Variants in TMEM132A observed in about 807,000 individuals in gnomAD.
TMEM132A encodes the protein transmembrane protein 132A, also known as GRP78-binding protein.
TMEM132A carries 48 observed loss-of-function variants against 69.9 expected under a neutral mutation model. The ratio of observed to expected loss-of-function variants is 0.69; its 90% CI spans 0.55 to 0.87. The LOEUF (loss-of-function observed/expected upper bound fraction) is 0.87. TMEM132A is among the 40% of genes least tolerant of loss of function. The pLI is 0.00. For missense variants in TMEM132A, 1,287 were observed against 1,407.2 expected, an observed-to-expected ratio of 0.91 and a Z score of 1.37; for synonymous variants, 577 against 613.7, an observed-to-expected ratio of 0.94 and a Z score of 0.88.
In TMEM132A at chr11:60,927,277, C is replaced by CT. The variant is rs1856367429; in HGVS notation, c.176dup (p.Arg60ProfsTer20). On this transcript the variant is annotated frameshift_variant, in exon 2 of 11. Transcript: ENST00000453848. LOFTEE classifies it high-confidence loss of function. ...TGGAGCTCCTAGACGCCCCTGAACA[C>CT]TTCCGTGTGCAGCAGGTGGGCCACT... The CT allele has an allele frequency of 6.2e-7, 1 of 1,613,594 alleles. No homozygotes were observed. Among genetic ancestry groups the CT allele is most frequent in the East Asian group, 2.2e-5 (1 of 44,860 alleles).
Position 60,928,796 on chromosome 11 carries a change from G to A in TMEM132A, c.702G>A (p.Val234=), listed in dbSNP as rs751331854. ...ENDPGEQALP[V]GGVELRPADP... The stretch of plus-strand genomic sequence containing the variant: ...ACCCTGGGGAGCAGGCCCTCCCAGT[G>A]GGGGGTGTGGAGCTGCGCCCAGCAG... The change falls in exon 4 of 11, where the codon GTG becomes GTA. Residue 234 remains valine, a synonymous_variant. Coordinates refer to ENST00000453848, the MANE Select transcript of TMEM132A (RefSeq NM_178031.3). The A allele has an allele frequency of 6.2e-7, 1 of 1,610,146 alleles. No homozygotes were observed. The highest frequency in any genetic ancestry group is 1.7e-5 in the Admixed American group (1 of 59,866).
At chr11:60,933,192 C>A in intron 7 of TMEM132A, 2 of 183,118 alleles carry the variant, frequency 1.1e-5, no homozygotes, top group Non-Finnish European at 1.1e-5. Flanking sequence ...TTTTTTTAAT[C>A]TATTTATTTT....
intron 3 of TMEM132A, among the ~76,000 whole-genome samples, 171 bp from the exon 4 acceptor site, chr11:60,928,458 C>T (rs900902019): frequency 2.0e-5 from 3 of 152,154 alleles, no homozygotes; most frequent in Non-Finnish European, 4.4e-5. Context: ...TGGTTTGAAG[C>T]CCCAGCCAGG....
chr11:60,936,052 T>C lies in TMEM132A; in HGVS notation c.2217T>C (p.His739=), dbSNP rs1856589674. The C allele has an allele frequency of 1.9e-6, 3 of 1,606,614 alleles. No individual in the cohort carries two copies. The highest frequency in any genetic ancestry group is 4.5e-5 in the East Asian group (2 of 44,806). Reference sequence around the variant, plus strand: ...CAGGCGCCGAGGGGCTGCCGCTGCATGTGGCTCTGCACCCGCCCGAGCCCT... The same window carrying C: ...CAGGCGCCGAGGGGCTGCCGCTGCACGTGGCTCTGCACCCGCCCGAGCCCT... ...SGAGAEGLPL[H]VALHPPEPCR... is the part of the protein sequence containing the mutation. Residue 739 remains histidine, a synonymous_variant, in exon 11 of 11, where the codon CAT becomes CAC. Coordinates refer to ENST00000453848, the MANE Select transcript of TMEM132A (RefSeq NM_178031.3).
chr11:60,934,304 G>A, intron 8 of TMEM132A, 184 bp from the exon 9 acceptor site: 1 of 493,870 alleles, frequency 2.0e-6, no homozygotes, highest in Non-Finnish European at 3.3e-6. Flanking sequence ...GGAGTGGGCT[G>A]GGGCGGCTCG....
At position 60,935,389 on chromosome 11, in the gene TMEM132A, CG is replaced by C. The variant is rs1565123169; in HGVS notation, c.1978del (p.Glu660ArgfsTer69). Reference sequence around the variant, plus strand: ...CCTTGAGCCGGGGCACTGCCCACCCCGGGGAGGTCACAGCTACGTGCTGGGC... The same window carrying C: ...CCTTGAGCCGGGGCACTGCCCACCCCGGGAGGTCACAGCTACGTGCTGGGC... ...LTLSRGTAHP[G>X]EVTATCWAQS... On this transcript the variant is annotated frameshift_variant, in exon 10 of 11. Transcript: ENST00000453848. LOFTEE classifies it high-confidence loss of function. This position sits in a 1 kb window ranked among gnomAD's most constrained non-coding sequence, Gnocchi z 5.0. 6.2e-7 allele frequency: 1 copy of C among 1,612,156 alleles called. No individual in the cohort carries two copies. The highest frequency in any genetic ancestry group is 8.5e-7 in the Non-Finnish European group (1 of 1,179,470).
intron 3 of TMEM132A, 120 bp downstream of exon 3, chr11:60,927,979 T>C (rs1565119460): frequency 1.3e-6 from 1 of 793,060 alleles, no homozygotes; most frequent in East Asian, 2.7e-5. Flanking sequence ...ACCACCCGAC[T>C]CCATTTCTGC....
rs545863764 is a variant in TMEM132A, at chr11:60,933,598, G to C, written c.1413G>C (p.Arg471=). The change falls in exon 8 of 11, where the codon CGG becomes CGC. Residue 471 remains arginine (R), a synonymous_variant. Coordinates refer to ENST00000453848, the MANE Select transcript of TMEM132A (RefSeq NM_178031.3). Reference sequence around the variant, plus strand: ...CTGGCAAGGAGAGCCGGGGCGCCCGGGGGGTGCGAGTGGACTTCTGGTGGC... The same window carrying C: ...CTGGCAAGGAGAGCCGGGGCGCCCGCGGGGTGCGAGTGGACTTCTGGTGGC... ...FVAGKESRGA[R]GVRVDFWWRR... 1.6e-5 allele frequency: 25 copies of C among 1,607,312 alleles called. No homozygotes were observed. Among genetic ancestry groups the C allele is most frequent in the Non-Finnish European group, 2.0e-5 (24 of 1,179,300 alleles).
chr11:60,935,556 T>G lies in TMEM132A; in HGVS notation c.2028+113T>G. 2 of 1,157,464 alleles carry G rather than the reference T, an allele frequency of 1.7e-6. No homozygotes were observed. Among genetic ancestry groups the G allele is most frequent in the South Asian group, 1.5e-5 (1 of 65,736 alleles). The allele number at this position is 1,157,464 out of a possible 1,614,324, so 71.7% of individuals were successfully genotyped here. A position where few individuals can be genotyped will look rare whatever the true frequency, so the allele number is the denominator to read the frequency against. ...CCTCGACCCCTTAGGGTTTTCAGAG[T>G]GAGGACTGACTCTGTGAGGTAGTGA... On this transcript the variant is annotated intron_variant, in intron 10 of 10. Coordinates refer to ENST00000453848, the MANE Select transcript of TMEM132A (RefSeq NM_178031.3). The surrounding 1 kb of genome is among the most constrained non-coding windows in gnomAD (Gnocchi z 5.0).
rs142571833 is a variant in TMEM132A, at chr11:60,936,404, T to C, written c.2569T>C (p.Phe857Leu). ...ELGMYALLGV[F>L]CVAIFIFLVN... ...GGGCATGTACGCCCTGCTGGGAGTC[T>C]TCTGCGTGGCCATCTTCATCTTCTT... The change falls in exon 11 of 11, where the codon TTC (phenylalanine) becomes CTC (leucine). Residue 857 changes from phenylalanine to leucine, a missense_variant. Phe to Leu is a conservative substitution (Grantham distance 22). Transcript: ENST00000453848. 1.4e-4 allele frequency: 228 copies of C among 1,614,172 alleles called. No individual in the cohort carries two copies. The highest frequency in any genetic ancestry group is 1.8e-4 in the Non-Finnish European group (207 of 1,180,004).
chr11:60,924,510 C>G lies in TMEM132A; in HGVS notation c.-124C>G, dbSNP rs1055594168. ...ATTGCAGCCGCGGGGCGGGCGGCGGCGGCGGCGGCGGCGGCCGGGACCCAG... is the reference window on the plus strand; with the variant it reads ...ATTGCAGCCGCGGGGCGGGCGGCGGGGGCGGCGGCGGCGGCCGGGACCCAG... On this transcript the variant is annotated 5_prime_UTR_variant, in exon 1 of 11. Transcript: ENST00000453848. The G allele has an allele frequency of 1.8e-5, 10 of 554,300 alleles. No individual in the cohort carries two copies. The highest frequency in any genetic ancestry group is 2.4e-5 in the Non-Finnish European group (9 of 368,346). 34.3% of individuals were successfully genotyped at this position (554,300 alleles called of 1,614,324 possible).
rs989922014 is a variant in TMEM132A, at chr11:60,936,184, C to G, written c.2349C>G (p.Ser783Arg). 2 of 1,613,988 alleles carry G rather than the reference C, an allele frequency of 1.2e-6. No homozygotes were observed. The highest frequency in any genetic ancestry group is 1.7e-6 in the Non-Finnish European group (2 of 1,179,920). Residue 783 changes from serine to arginine, a missense_variant, in exon 11 of 11, where the codon AGC becomes AGG. Coordinates refer to ENST00000453848, the MANE Select transcript of TMEM132A (RefSeq NM_178031.3). ...CTCTCCCATCCAGCCCTGCTTGGAG[C>G]CCACCAGCCACAGAAGCCACCATGG... Reference protein sequence around the residue: ...APALPSSPAWSPPATEATMGG... With the variant: ...APALPSSPAWRPPATEATMGG...
At chr11:60,925,727 C>G (rs747217249) in intron 1 of TMEM132A, 2 of 152,260 alleles carry the variant, frequency 1.3e-5, no homozygotes, top group African/African-American at 4.8e-5. Flanking sequence ...CGAGGGACGC[C>G]ATGGGAGTCC....
In TMEM132A at chr11:60,931,796, G is replaced by C. The variant is rs757738164; in HGVS notation, c.1124G>C (p.Gly375Ala). 6.2e-7 allele frequency: 1 copy of C among 1,614,226 alleles called. No homozygotes were observed. The change falls in exon 6 of 11, where the codon GGC (glycine) becomes GCC (alanine). Residue 375 changes from glycine (G) to alanine (A), a missense_variant. Gly to Ala is a moderately conservative substitution (Grantham distance 60, BLOSUM62 0). Coordinates refer to ENST00000453848, the MANE Select transcript of TMEM132A (RefSeq NM_178031.3). The part of the protein sequence containing the change: ...RPVTWQLEYP[G>A]QAPEAEKDKM... ...GTCACGTGGCAGCTGGAGTACCCAG[G>C]CCAGGCCCCTGAAGCAGAGAAGGAC...
chr11:60,924,602 C>T lies in TMEM132A; in HGVS notation c.-32C>T. The T allele has an allele frequency of 6.4e-7, 1 of 1,555,448 alleles. No individual in the cohort carries two copies. The highest frequency in any genetic ancestry group is 8.7e-7 in the Non-Finnish European group (1 of 1,155,510). ...CGTGCGGGACTGGGGCCACCTGAGC[C>T]GCCCGCCTCGTCCCCGCCTTCTGTG... On this transcript the variant is annotated 5_prime_UTR_variant, in exon 1 of 11. Coordinates refer to ENST00000453848, the MANE Select transcript of TMEM132A (RefSeq NM_178031.3).
rs761458629 is a variant in TMEM132A at position 60,930,659 on chromosome 11, G to A, written c.1016G>A (p.Ser339Asn). 6.2e-7 allele frequency: 1 copy of A among 1,606,816 alleles called. No homozygotes were observed. The highest frequency in any genetic ancestry group is 1.1e-5 in the South Asian group (1 of 90,066). The change falls in exon 5 of 11, where the codon AGT becomes AAT. Residue 339 changes from serine to asparagine, a missense_variant and splice_region_variant. Transcript: ENST00000453848. ...GCTGGGCTCACAGAGCCAGATTCCA[G>A]GTGGGCAGTTTCCCTCCACCCAGGG... The part of the protein sequence containing the change: ...HRAGLTEPDS[S>N]PLELSEFLWV...
Position 60,927,801 on chromosome 11 carries a change from G to T in TMEM132A, c.476G>T (p.Cys159Phe). 1 of 1,612,462 alleles carries T rather than the reference G, an allele frequency of 6.2e-7. No individual in the cohort carries two copies. Among genetic ancestry groups the T allele is most frequent in the Non-Finnish European group, 8.5e-7 (1 of 1,179,998 alleles). ...DWPPGSGSLPCARLHATHPAG... is the reference protein window; with the variant it reads ...DWPPGSGSLPFARLHATHPAG... ...CCACCAGGGTCTGGCAGCCTGCCCT[G>T]TGCCCGGCTCCATGCCACACACCCT... Residue 159 changes from cysteine to phenylalanine, a missense_variant, in exon 3 of 11, where the codon TGT (cysteine) becomes TTT (phenylalanine). Physicochemically the swap from Cys to Phe is radical, Grantham distance 205. Coordinates refer to ENST00000453848, the MANE Select transcript of TMEM132A (RefSeq NM_178031.3).
intron 8 of TMEM132A, 31 bp from the exon 9 acceptor site, chr11:60,934,457 G>A: frequency 7.4e-7 from 1 of 1,355,066 alleles, no homozygotes; most frequent in Non-Finnish European, 9.4e-7. Flanking sequence ...GCTCAGCGCT[G>A]ACGGCCAGTC....
intron 9 of TMEM132A, 41 bp downstream of exon 9, chr11:60,934,805 G>A: frequency 6.5e-7 from 1 of 1,542,220 alleles, no homozygotes; most frequent in Non-Finnish European, 8.7e-7. Flanking sequence ...CCCTGAGAAG[G>A]GTGGAGGGGC....
Sources: gnomAD v4.1 joint callset for allele counts (sites outside exome capture counted in the v4.1 genomes callset) on GRCh38, gnomAD v4.1.1 for gene constraint, Gnocchi (gnomAD v3.1) non-coding constraint, MANE v1.5 for transcripts, NCBI Gene and HGNC (gene_info 2026-07-23, HGNC 2026-07-21) for gene names.